Variants in NBEA observed in about 807,000 individuals in gnomAD.
NBEA encodes the protein neurobeachin, also known as lysosomal-trafficking regulator 2.
Under a neutral mutation model 343.4 loss-of-function variants are expected in NBEA, and 44 were observed. The observed-to-expected ratio is 0.13, with a 90% CI of 0.10 to 0.16. The LOEUF (loss-of-function observed/expected upper bound fraction) is 0.16, where lower values mean the gene tolerates loss of function less well. NBEA is among the 10% of genes least tolerant of loss of function. The pLI is 1.00. For missense variants in NBEA, 2,555 were observed against 3,631.3 expected (o/e 0.70, Z 7.62); for synonymous variants, 1,175 against 1,238.7 (o/e 0.95, Z 1.08).
chr13:35,511,738 T>A (rs1437232800), intron 41 of NBEA, among the ~76,000 whole-genome samples: 2 of 152,316 alleles, frequency 1.3e-5, no homozygotes, highest in East Asian at 1.9e-4. Context: ...AGTTATATAA[T>A]GTTTTAATTT....
intron 40 of NBEA, among the ~76,000 whole-genome samples, chr13:35,468,264 T>C (rs1309535422): frequency 1.3e-5 from 2 of 152,204 alleles, no homozygotes; most frequent in Non-Finnish European, 2.9e-5. Flanking sequence ...TGGCGTTCTC[T>C]TGTTGGACAT....
intron 41 of NBEA, among the ~76,000 whole-genome samples, chr13:35,525,877 T>A (rs1038617694): frequency 8.5e-5 from 13 of 152,078 alleles, no homozygotes; most frequent in Admixed American, 2.0e-4. Flanking sequence ...TTCCCAAGCC[T>A]CTTCTATAAG....
At position 35,158,993 on chromosome 13, in the gene NBEA, T is replaced by C. The variant is rs952904316; in HGVS notation, c.2845-23T>C. ...TTTTGATATGTACAAAATGCCTTAA[T>C]GTTTTCTTTACTTATTCCTAAGGTC... On this transcript the variant is annotated intron_variant, in intron 21 of 58. Transcript: ENST00000379939. 6 of 1,530,720 alleles carry C rather than the reference T, an allele frequency of 3.9e-6. No homozygotes were observed. In the African/African-American group the frequency reaches 8.4e-5, roughly 21 times the overall value. 94.8% of individuals were successfully genotyped at this position (1,530,720 alleles called of 1,614,324 possible).
At chr13:35,079,444 A>G (rs1318317373) in intron 10 of NBEA, among the ~76,000 whole-genome samples, 2 of 152,314 alleles carry the variant, frequency 1.3e-5, no homozygotes, top group East Asian at 3.9e-4. Flanking sequence ...ATTAACTGTT[A>G]AAAGACAGAA....
chr13:34,965,976 A>G (rs868533816), intron 1 of NBEA, among the ~76,000 whole-genome samples: 1 of 152,076 alleles, frequency 6.6e-6, no homozygotes, highest in Non-Finnish European at 1.5e-5. Flanking sequence ...GGAGCTCTTC[A>G]TGAGAAGAAA....
intron 34 of NBEA, among the ~76,000 whole-genome samples, chr13:35,247,844 A>T (rs1027161212): frequency 1.3e-5 from 2 of 152,210 alleles, no homozygotes; most frequent in African/African-American, 4.8e-5. Context: ...TATTAAAAAG[A>T]TCAACAAAAT....
chr13:35,660,278 A>C (rs1421765352), intron 55 of NBEA, among the ~76,000 whole-genome samples: 1 of 152,230 alleles, frequency 6.6e-6, no homozygotes, highest in Non-Finnish European at 1.5e-5. Flanking sequence ...CTTTTAAAGA[A>C]TGTAGTTTTA....
At chr13:35,647,861 G>A (rs191866762) in intron 51 of NBEA, among the ~76,000 whole-genome samples, 14 of 152,074 alleles carry the variant, frequency 9.2e-5, no homozygotes, top group African/African-American at 2.4e-4. Context: ...CACCACGCCC[G>A]ACCTAAATGC....
At chr13:35,324,841 C>G (rs1237929145) in intron 36 of NBEA, among the ~76,000 whole-genome samples, 1 of 152,048 alleles carries the variant, frequency 6.6e-6, no homozygotes, top group Non-Finnish European at 1.5e-5. Context: ...GAGAGAGGAC[C>G]TAAGCAATAT....
intron 41 of NBEA, among the ~76,000 whole-genome samples, chr13:35,545,945 C>A (rs1234995349): frequency 6.6e-6 from 1 of 152,188 alleles, no homozygotes; most frequent in East Asian, 1.9e-4. Flanking sequence ...TTGGAGAGAG[C>A]TTCTTCTGGT....
At chr13:35,646,210 C>T in intron 50 of NBEA, 49 bp from the exon 51 acceptor site, 2 of 1,390,760 alleles carry the variant, frequency 1.4e-6, no homozygotes, top group Non-Finnish European at 1.0e-6. Context: ...GTGTTGGCCT[C>T]TCTCTTTGAT....
At chr13:35,615,319 G>C (rs1015015105) in intron 48 of NBEA, among the ~76,000 whole-genome samples, 4 of 150,314 alleles carry the variant, frequency 2.7e-5, no homozygotes, top group Non-Finnish European at 4.4e-5. Context: ...TAGCTGAGGA[G>C]TTATTGACCT....
intron 38 of NBEA, among the ~76,000 whole-genome samples, chr13:35,430,460 C>G (rs371139740): frequency 6.6e-6 from 1 of 152,070 alleles, no homozygotes. Flanking sequence ...TAAGTCCCAT[C>G]TATTTATCCT....
At chr13:35,217,864 A>G (rs2074150980) in intron 33 of NBEA, among the ~76,000 whole-genome samples, 1 of 152,082 alleles carries the variant, frequency 6.6e-6, no homozygotes, top group South Asian at 2.1e-4. Context: ...TTTTCAAAAA[A>G]TTATTCTATT....
intron 10 of NBEA, among the ~76,000 whole-genome samples, chr13:35,072,180 G>T (rs2063900750): frequency 6.6e-6 from 1 of 152,014 alleles, no homozygotes; most frequent in African/African-American, 2.4e-5. Context: ...AATCTAGTCA[G>T]TACTGTGAAA....
chr13:35,261,319 C>G (rs1333572554), intron 34 of NBEA, among the ~76,000 whole-genome samples: 2 of 152,102 alleles, frequency 1.3e-5, no homozygotes. Context: ...CGAGACCAGC[C>G]TGGCCAACAT....
intron 40 of NBEA, among the ~76,000 whole-genome samples, chr13:35,453,192 C>T (rs551992452): frequency 2.6e-5 from 4 of 152,164 alleles, no homozygotes; most frequent in Non-Finnish European, 4.4e-5. Context: ...AGAGAGTTCT[C>T]TTTTCATCTT....
intron 38 of NBEA, among the ~76,000 whole-genome samples, chr13:35,405,146 ATTG>A (rs2043209091): frequency 6.6e-6 from 1 of 152,156 alleles, no homozygotes; most frequent in African/African-American, 2.4e-5. Flanking sequence ...TTGAAAACAT[ATTG>A]TTGTAGAAAT....
intron 18 of NBEA, among the ~76,000 whole-genome samples, chr13:35,155,265 AAAT>A (rs971934353): frequency 6.6e-6 from 1 of 152,048 alleles, no homozygotes; most frequent in African/African-American, 2.4e-5. Flanking sequence ...TTGTATGTAT[AAAT>A]AATAAATAAA....
Sources: allele counts gnomAD v4.1 joint callset (sites outside exome capture counted in the v4.1 genomes callset), GRCh38; gene constraint gnomAD v4.1.1; transcripts MANE v1.5; gene names NCBI Gene and HGNC (gene_info 2026-07-23, HGNC 2026-07-21).